The following QTMAN variants were observed in gnomAD, a reference collection of about 807,000 sequenced individuals.
The protein encoded by QTMAN is queuosine-tRNA mannosyltransferase.
chr2:144,049,885 A>G, the QTMAN span, among the ~76,000 whole-genome samples: 1 of 152,200 alleles, frequency 6.6e-6, no homozygotes, highest in Non-Finnish European at 1.5e-5. Context: ...ACATTTCTAG[A>G]TATAATTAAG....
the QTMAN span, among the ~76,000 whole-genome samples, chr2:144,131,040 T>A: frequency 6.6e-6 from 1 of 151,878 alleles, no homozygotes; most frequent in Non-Finnish European, 1.5e-5. Context: ...CAATCAGTAA[T>A]AAATGATAAG....
the QTMAN span, chr2:144,011,640 T>TAAAAAA: frequency 6.8e-6 from 6 of 884,624 alleles, no homozygotes; most frequent in Non-Finnish European, 1.3e-6. Context: ...TCTATGCTAG[T>TAAAAAA]AAAAAAAAAA....
At chr2:144,006,936 A>G in the QTMAN span, 1 of 375,102 alleles carries the variant, frequency 2.7e-6, no homozygotes, top group Admixed American at 4.4e-5. Flanking sequence ...AGAAGTGCCT[A>G]CCCACTACTG....
chr2:144,116,308 TG>T, the QTMAN span, among the ~76,000 whole-genome samples: 4 of 7,354 alleles, frequency 5.4e-4, no homozygotes, highest in Admixed American at 1.4e-3. Context: ...GGTGGGGGGG[TG>T]GGGGGGAGTA....
chr2:144,281,893 G>A, the QTMAN span, among the ~76,000 whole-genome samples: 1 of 152,120 alleles, frequency 6.6e-6, no homozygotes, highest in African/African-American at 2.4e-5. Context: ...GGGTACATGT[G>A]CAGGTTTGTA....
chr2:144,214,367 G>C, the QTMAN span, among the ~76,000 whole-genome samples: 1 of 152,104 alleles, frequency 6.6e-6, no homozygotes, highest in Non-Finnish European at 1.5e-5. Context: ...CAAATGCAAA[G>C]TAATAATTTT....
At chr2:144,157,284 G>A in the QTMAN span, among the ~76,000 whole-genome samples, 3 of 151,906 alleles carry the variant, frequency 2.0e-5, no homozygotes, top group African/African-American at 4.8e-5. Context: ...AATGATATCC[G>A]AATTTTCTAT....
At chr2:144,300,819 C>T in the QTMAN span, among the ~76,000 whole-genome samples, 7 of 151,970 alleles carry the variant, frequency 4.6e-5, no homozygotes, top group Non-Finnish European at 8.8e-5. Flanking sequence ...TAACTCAAAA[C>T]GAGAAAATGG....
At chr2:144,210,159 A>G in the QTMAN span, among the ~76,000 whole-genome samples, 1 of 152,158 alleles carries the variant, frequency 6.6e-6, no homozygotes, top group Non-Finnish European at 1.5e-5. Flanking sequence ...TCCTAGGATC[A>G]AGGACATACA....
the QTMAN span, among the ~76,000 whole-genome samples, chr2:143,949,832 G>A: frequency 1.3e-5 from 2 of 150,928 alleles, no homozygotes; most frequent in South Asian, 4.1e-4. Flanking sequence ...TAAAGGTTTA[G>A]AAGGCATTTT....
At chr2:144,194,366 T>C in the QTMAN span, among the ~76,000 whole-genome samples, 1 of 152,182 alleles carries the variant, frequency 6.6e-6, no homozygotes, top group Non-Finnish European at 1.5e-5. Context: ...GGCTTGCATT[T>C]AGCTCCCCTG....
At chr2:143,958,782 C>CTTTTTTTTT in the QTMAN span, among the ~76,000 whole-genome samples, 14 of 113,312 alleles carry the variant, frequency 1.2e-4, no homozygotes, top group Non-Finnish European at 1.7e-4. Context: ...TTCTTTCTTT[C>CTTTTTTTTT]TTTTTTTTTT....
At chr2:144,103,835 A>G in the QTMAN span, among the ~76,000 whole-genome samples, 3 of 152,180 alleles carry the variant, frequency 2.0e-5, no homozygotes, top group Non-Finnish European at 2.9e-5. Context: ...CACACCTGTA[A>G]TCCCAGCACT....
At chr2:144,227,424 A>G in the QTMAN span, among the ~76,000 whole-genome samples, 4 of 152,160 alleles carry the variant, frequency 2.6e-5, no homozygotes, top group Non-Finnish European at 5.9e-5. Flanking sequence ...CCCCTTAGCA[A>G]TAACAAACAA....
chr2:144,208,529 C>T, the QTMAN span: 5 of 1,237,698 alleles, frequency 4.0e-6, no homozygotes, highest in Non-Finnish European at 5.7e-6. Flanking sequence ...CTCAAAGATA[C>T]TGATGGAGAA....
chr2:144,207,879 T>TG, the QTMAN span, among the ~76,000 whole-genome samples: 2 of 151,872 alleles, frequency 1.3e-5, no homozygotes, highest in Admixed American at 6.6e-5. Flanking sequence ...TTATTAGGGA[T>TG]GGGGGTCTCA....
At chr2:143,945,629 A>G in the QTMAN span, 4 of 152,266 alleles carry the variant, frequency 2.6e-5, no homozygotes, top group East Asian at 7.7e-4. Context: ...TTTATCTTAG[A>G]TGCCTGCTAG....
the QTMAN span, among the ~76,000 whole-genome samples, chr2:144,044,649 T>A: frequency 9.9e-5 from 15 of 152,158 alleles, no homozygotes; most frequent in Non-Finnish European, 1.9e-4. Flanking sequence ...TAAATCTAAG[T>A]ATGTAAAGTA....
At chr2:144,134,983 T>C in the QTMAN span, among the ~76,000 whole-genome samples, 1 of 152,156 alleles carries the variant, frequency 6.6e-6, no homozygotes, top group Non-Finnish European at 1.5e-5. Context: ...AATATCAGCC[T>C]GACAACCTGA....
Sources: allele counts gnomAD v4.1 joint callset (sites outside exome capture counted in the v4.1 genomes callset), GRCh38; gene constraint gnomAD v4.1.1; transcripts MANE v1.5; gene names NCBI Gene and HGNC (gene_info 2026-07-23, HGNC 2026-07-21).